Variants in NDUFAF6 observed in about 807,000 individuals in gnomAD.
NDUFAF6 encodes NADH:ubiquinone oxidoreductase complex assembly factor 6, also known as NADH dehydrogenase (ubiquinone) complex I, assembly factor 6.
In NDUFAF6, 45 loss-of-function variants were observed where a neutral mutation model predicts 40.8. The ratio of observed to expected loss-of-function variants is 1.10; its 90% CI spans 0.87 to 1.42. NDUFAF6 has a LOEUF of 1.42. Ranked by LOEUF, NDUFAF6 falls within the 40% of genes most tolerant of loss-of-function variation. The probability of loss-of-function intolerance (pLI) is 0.00; values close to 1 mark genes in which losing one functional copy is unlikely to be tolerated. For missense variants in NDUFAF6, 435 were observed against 418.5 expected (o/e 1.04, Z -0.34); for synonymous variants, 185 against 155.9 (o/e 1.19, Z -1.39).
At chr8:95,097,347 AAGCAGATAATTGG>A (rs1395882830), upstream of NDUFAF6, among the ~76,000 whole-genome samples, 1 of 152,240 alleles carries the variant, frequency 6.6e-6, no homozygotes, top group Non-Finnish European at 1.5e-5. Flanking sequence ...TAATTGGTAG[AAGCAGATAATTGG>A]AAACAACCTA....
At chr8:95,080,146 T>A (rs1233619735), downstream of NDUFAF6, among the ~76,000 whole-genome samples, 3 of 143,772 alleles carry the variant, frequency 2.1e-5, no homozygotes, top group Admixed American at 2.1e-4. Flanking sequence ...TTGTAGTGTA[T>A]TTTTTGTAGT....
At position 95,045,592 on chromosome 8, in the gene NDUFAF6, A is replaced by C; in HGVS notation, c.525A>C (p.Glu175Asp). The change falls in exon 5 of 9, where the codon GAA (glutamate) becomes GAC (aspartate). Residue 175 changes from glutamate to aspartate, a missense_variant. By Grantham distance (45) the Glu-to-Asp change is conservative. Coordinates refer to ENST00000396124, the MANE Select transcript of NDUFAF6 (RefSeq NM_152416.4). ...DKAYRNIKEL[E>D]NYAENTQSSL... is the part of the protein sequence containing the mutation. ...CATATCGTAATATCAAGGAACTGGA[A>C]AATTATGCTGAAAACACACAGAGCT... 6.2e-7 allele frequency: 1 copy of C among 1,613,592 alleles called. No homozygotes were observed. Among genetic ancestry groups the C allele is most frequent in the South Asian group, 1.1e-5 (1 of 91,076 alleles).
chr8:95,069,410 T>G (rs1332228865), intron 9 of NDUFAF6, among the ~76,000 whole-genome samples: 1 of 151,948 alleles, frequency 6.6e-6, no homozygotes, highest in African/African-American at 2.4e-5. Context: ...TACCACCTTA[T>G]ATGCACTCGT....
At chr8:94,898,981 A>G (rs1204836072) in intron 1 of NDUFAF6, among the ~76,000 whole-genome samples, 1 of 152,244 alleles carries the variant, frequency 6.6e-6, no homozygotes, top group Non-Finnish European at 1.5e-5. Flanking sequence ...CTCATGTAAC[A>G]AGAAAGGAAT....
intron 2 of NDUFAF6, chr8:94,950,718 A>G (rs1822527512): frequency 6.6e-6 from 1 of 152,052 alleles, no homozygotes; most frequent in Non-Finnish European, 1.5e-5. Flanking sequence ...TTGTTCTAAT[A>G]TTTTCTCCCA....
chr8:95,067,821 G>T (rs1181809996), intron 9 of NDUFAF6: 1 of 152,024 alleles, frequency 6.6e-6, no homozygotes, highest in African/African-American at 2.4e-5. Flanking sequence ...CAGGCTCCCA[G>T]TGTGGTCTCC....
Position 94,971,835 on chromosome 8 carries a change from G to A in NDUFAF6, c.-198-9024G>A, listed in dbSNP as rs569380931. Among the ~76,000 whole-genome samples, 167 of 152,204 alleles carry A rather than the reference G, an allele frequency of 1.1e-3. 1 individual carries two copies. The highest frequency in any genetic ancestry group is 6.8e-3 in the Middle Eastern group (2 of 294). On this transcript the variant is annotated intron_variant, in intron 1 of 9. Transcript: ENST00000396111. ...CGCCTATAATCCCAGCTACTCGGGA[G>A]GCTGAGGCAGGAGAATCACTTGAAC...
At position 95,025,041 on chromosome 8, in the gene NDUFAF6, G is replaced by C; in HGVS notation, c.33G>C (p.Gly11=). The C allele has an allele frequency of 7.1e-7, 1 of 1,416,600 alleles. No homozygotes were observed. Among genetic ancestry groups the C allele is most frequent in the Non-Finnish European group, 9.1e-7 (1 of 1,097,728 alleles). The allele number at this position is 1,416,600 out of a possible 1,614,324, so 87.8% of individuals were successfully genotyped here. MAASAHGSVW[G]PLRLGIPGLC... is the part of the protein sequence containing the mutation. The stretch of plus-strand genomic sequence containing the variant: ...CCTCCGCGCACGGCTCTGTCTGGGG[G>C]CCGTTGCGGCTTGGCATCCCCGGCC... Residue 11 remains glycine, a synonymous_variant, in exon 1 of 9, where the codon GGG becomes GGC. Coordinates refer to ENST00000396124, the MANE Select transcript of NDUFAF6 (RefSeq NM_152416.4).
chr8:94,935,277 C>A (rs1393843901), intron 1 of NDUFAF6, among the ~76,000 whole-genome samples: 1 of 152,134 alleles, frequency 6.6e-6, no homozygotes, highest in Non-Finnish European at 1.5e-5. Flanking sequence ...GGACCCTCAA[C>A]CTAAGAGAGG....
At chr8:95,104,083 C>T (rs557476438), downstream of NDUFAF6, among the ~76,000 whole-genome samples, 13 of 152,098 alleles carry the variant, frequency 8.5e-5, no homozygotes, top group Non-Finnish European at 1.8e-4. Context: ...CACTATGTTG[C>T]CCAGGCTGGT....
intron 2 of NDUFAF6, among the ~76,000 whole-genome samples, chr8:95,006,788 G>T (rs1025903216): frequency 4.6e-5 from 7 of 151,992 alleles, no homozygotes; most frequent in African/African-American, 1.7e-4. Flanking sequence ...GCTGAGGTGG[G>T]AGGTTGACTT....
At chr8:95,008,185 C>T (rs893541606) in intron 2 of NDUFAF6, among the ~76,000 whole-genome samples, 1 of 152,156 alleles carries the variant, frequency 6.6e-6, no homozygotes, top group Non-Finnish European at 1.5e-5. Context: ...CCTCTCTTAC[C>T]ACAAGCCAAG....
rs1365846573 is a variant in NDUFAF6 at position 95,058,449 on chromosome 8, G to A, written c.*512G>A. On this transcript the variant is annotated 3_prime_UTR_variant, in exon 9 of 9. Transcript: ENST00000396124. Reference sequence around the variant, plus strand: ...CGTGTTGTGGGCTTTTATCCTTAACGTTTAATTTTTACAATCTTGTGTAAA... The same window carrying A: ...CGTGTTGTGGGCTTTTATCCTTAACATTTAATTTTTACAATCTTGTGTAAA... The A allele has an allele frequency of 7.3e-6, 9 of 1,230,564 alleles. No homozygotes were observed. The highest frequency in any genetic ancestry group is 4.2e-5 in the Admixed American group (1 of 23,686). The allele number at this position is 1,230,564 out of a possible 1,614,324, so 76.2% of individuals were successfully genotyped here.
At chr8:94,934,314 TACAC>T (rs376984979) in intron 1 of NDUFAF6, among the ~76,000 whole-genome samples, 1 of 151,806 alleles carries the variant, frequency 6.6e-6, no homozygotes, top group African/African-American at 2.4e-5. Flanking sequence ...AGCTGCTGAC[TACAC>T]ACACACACAA....
intron 2 of NDUFAF6, among the ~76,000 whole-genome samples, chr8:94,983,256 CTTTTTTTTTTTTTTT>C (rs1173077785): frequency 2.4e-5 from 2 of 83,186 alleles, no homozygotes; most frequent in Non-Finnish European, 4.9e-5. Context: ...CTTTGCTATT[CTTTTTTTTTTTTTTT>C]TTTTTTTTTT....
At chr8:95,012,476 G>A (rs960697568) in intron 2 of NDUFAF6, among the ~76,000 whole-genome samples, 2 of 152,086 alleles carry the variant, frequency 1.3e-5, no homozygotes, top group Middle Eastern at 3.2e-3. Flanking sequence ...GTCAGATGGG[G>A]CATTTCTAAT....
rs549197103 is a variant in NDUFAF6 at position 94,901,559 on chromosome 8, A to T, written c.-936+5632A>T. ...TCAGGAGTTGGTTTTGGACAGGTTA[A>T]ATGTTTTTAACTTCCCTCTACATTT... On this transcript the variant is annotated intron_variant, in intron 1 of 14. Transcript: ENST00000396113. Among the ~76,000 whole-genome samples, 5 of 151,762 alleles carry T rather than the reference A, an allele frequency of 3.3e-5. No individual in the cohort carries two copies. The South Asian group carries it at 1.0e-3, about 32-fold the overall frequency.
intron 1 of NDUFAF6, among the ~76,000 whole-genome samples, chr8:94,964,447 A>G (rs74602379): frequency 1.3e-5 from 2 of 150,378 alleles, no homozygotes; most frequent in African/African-American, 4.9e-5. Flanking sequence ...AAAAAAAAAA[A>G]GGAGGAATAC....
chr8:94,981,460 T>C (rs1465075114), intron 2 of NDUFAF6, among the ~76,000 whole-genome samples: 1 of 152,204 alleles, frequency 6.6e-6, no homozygotes, highest in African/African-American at 2.4e-5. Context: ...AACCTTAATG[T>C]ACTTGAACTT....
Sources: gnomAD v4.1 joint callset for allele counts (sites outside exome capture counted in the v4.1 genomes callset) on GRCh38, gnomAD v4.1.1 for gene constraint, MANE v1.5 for transcripts, NCBI Gene and HGNC (gene_info 2026-07-23, HGNC 2026-07-21) for gene names.